Variants in TNR observed in about 807,000 individuals in gnomAD.
TNR encodes tenascin-R.
TNR carries 45 observed loss-of-function variants against 150.4 expected under a neutral mutation model. That is an observed-to-expected ratio of 0.30 (90% confidence interval 0.24 to 0.38). The LOEUF (loss-of-function observed/expected upper bound fraction) is 0.38, where lower values mean the gene tolerates loss of function less well. Among genes scored for constraint, TNR ranks in the 10% least tolerant of loss-of-function variants. The pLI, the probability that TNR is intolerant of heterozygous loss-of-function variation, is 1.00. For synonymous variants in TNR, 687 were observed against 678.4 expected, an observed-to-expected ratio of 1.01 and a Z score of -0.20; for missense variants, 1,544 against 1,759.1, an observed-to-expected ratio of 0.88 and a Z score of 2.19.
intron 10 of TNR, among the ~76,000 whole-genome samples, chr1:175,366,527 C>T (rs1262445579): frequency 6.6e-6 from 1 of 152,256 alleles, no homozygotes; most frequent in Non-Finnish European, 1.5e-5. Context: ...GCACCACCCT[C>T]CAACCCTGAG....
intron 2 of TNR, among the ~76,000 whole-genome samples, chr1:175,463,260 GT>G (rs373782213): frequency 3.1e-4 from 47 of 152,250 alleles, no homozygotes; most frequent in African/African-American, 1.1e-3. Context: ...TCCTGATTCC[GT>G]TTTTCCAGAG....
At chr1:175,554,939 T>C (rs1236690498) in intron 1 of TNR, among the ~76,000 whole-genome samples, 1 of 152,200 alleles carries the variant, frequency 6.6e-6, no homozygotes, top group East Asian at 1.9e-4. Flanking sequence ...GCCAAGGTCA[T>C]CCAGCAGTCG....
At position 175,362,561 on chromosome 1, in the gene TNR, G is replaced by A. The variant is rs1024085876; in HGVS notation, c.2854+102C>T. The A allele has an allele frequency of 2.2e-5, 32 of 1,465,012 alleles. No individual in the cohort carries two copies. In the Admixed American group the frequency reaches 2.8e-4, roughly 13 times the overall value. 90.8% of individuals were successfully genotyped at this position (1,465,012 alleles called of 1,614,324 possible). A position where few individuals can be genotyped will look rare whatever the true frequency, so the allele number is the denominator to read the frequency against. On this transcript the variant is annotated intron_variant, in intron 14 of 22. Transcript: ENST00000367674. Reference sequence around the variant, plus strand: ...ACACAGTGAGTTGGAGGAGCACCCCGAAATGGAGCCTTAGCCTCCAGAACC... The same window carrying A: ...ACACAGTGAGTTGGAGGAGCACCCCAAAATGGAGCCTTAGCCTCCAGAACC...
At chr1:175,352,516 T>C (rs1297951425) in intron 18 of TNR, among the ~76,000 whole-genome samples, 1 of 152,160 alleles carries the variant, frequency 6.6e-6, no homozygotes, top group Non-Finnish European at 1.5e-5. Flanking sequence ...TTAATTAACC[T>C]GCGAATGTGC....
intron 2 of TNR, among the ~76,000 whole-genome samples, chr1:175,462,146 A>G (rs1350895102): frequency 6.6e-6 from 1 of 152,234 alleles, no homozygotes; most frequent in Non-Finnish European, 1.5e-5. Context: ...ATTATAAAAT[A>G]TGTTCACTTC....
chr1:175,700,700 G>T (rs1232151901), intron 1 of TNR, among the ~76,000 whole-genome samples: 1 of 152,184 alleles, frequency 6.6e-6, no homozygotes, highest in African/African-American at 2.4e-5. Context: ...CATACATCAG[G>T]TGACCACGGA....
At chr1:175,632,578 G>A (rs10913035) in intron 1 of TNR, among the ~76,000 whole-genome samples, 3,157 of 152,276 alleles carry the variant, frequency 0.021, 113 homozygotes, top group African/African-American at 0.07. Flanking sequence ...CAGAGACCAA[G>A]TACTTCTGTA....
At chr1:175,677,781 G>T (rs115684594) in intron 1 of TNR, among the ~76,000 whole-genome samples, 1 of 152,026 alleles carries the variant, frequency 6.6e-6, no homozygotes, top group African/African-American at 2.4e-5. Context: ...TATTAACTGG[G>T]AATTAAAAAT....
intron 2 of TNR, among the ~76,000 whole-genome samples, chr1:175,470,336 G>T (rs547172257): frequency 6.6e-6 from 1 of 152,104 alleles, no homozygotes; most frequent in Admixed American, 6.6e-5. Context: ...GCAAAGGGCC[G>T]CAGGGGAAGA....
chr1:175,449,989 C>T (rs12743126), intron 2 of TNR, among the ~76,000 whole-genome samples: 1 of 152,060 alleles, frequency 6.6e-6, no homozygotes. Flanking sequence ...AGTGCAGGCT[C>T]ACTGTCCCAC....
At chr1:175,542,994 T>C (rs1660561681) in intron 1 of TNR, among the ~76,000 whole-genome samples, 2 of 152,198 alleles carry the variant, frequency 1.3e-5, no homozygotes. Context: ...GACACAACCA[T>C]GCAGTCACAG....
intron 1 of TNR, among the ~76,000 whole-genome samples, chr1:175,555,674 C>T (rs1457108387): frequency 6.6e-6 from 1 of 152,170 alleles, no homozygotes. Context: ...CAAACCCAAG[C>T]TCTTGTACCC....
At chr1:175,436,069 C>A (rs1655495421) in intron 2 of TNR, among the ~76,000 whole-genome samples, 2 of 152,290 alleles carry the variant, frequency 1.3e-5, no homozygotes, top group Non-Finnish European at 2.9e-5. Flanking sequence ...CTGCCCTTAA[C>A]ATTTTTTCCT....
chr1:175,705,822 C>T (rs1275413997), intron 1 of TNR, among the ~76,000 whole-genome samples: 2 of 152,120 alleles, frequency 1.3e-5, no homozygotes, highest in Non-Finnish European at 2.9e-5. Flanking sequence ...TTTTATAAAT[C>T]TAGGTTTCTT....
intron 1 of TNR, among the ~76,000 whole-genome samples, chr1:175,547,163 G>A (rs1660723068): frequency 6.6e-6 from 1 of 152,192 alleles, no homozygotes; most frequent in African/African-American, 2.4e-5. Flanking sequence ...TTGCAAGCCT[G>A]CGTAGCAGAT....
In TNR at chr1:175,501,066, T is replaced by C. The variant is rs553090361; in HGVS notation, c.-64+27203A>G. 7.9e-5 allele frequency among the ~76,000 whole-genome samples: 12 copies of C among 152,226 alleles called. No homozygotes were observed. The South Asian group carries it at 2.5e-3, about 32-fold the overall frequency. ...TGAATATGGTGGGAGATCATGCCCA[T>C]CATTATGTTATGTTGTAGGGCAATG... is the stretch of plus-strand genomic sequence containing the variant. On this transcript the variant is annotated intron_variant, in intron 2 of 22. Coordinates refer to ENST00000367674, the MANE Select transcript of TNR (RefSeq NM_003285.3).
At chr1:175,732,077 C>T (rs1667657399) in intron 1 of TNR, among the ~76,000 whole-genome samples, 1 of 152,222 alleles carries the variant, frequency 6.6e-6, no homozygotes, top group African/African-American at 2.4e-5. Flanking sequence ...CCAGCACTCC[C>T]TGCCTCCCCT....
chr1:175,692,995 T>G (rs1036976285), intron 1 of TNR, among the ~76,000 whole-genome samples: 1 of 152,186 alleles, frequency 6.6e-6, no homozygotes, highest in Admixed American at 6.5e-5. Context: ...CTGTTCCAGG[T>G]GCTTGCAATA....
chr1:175,402,223 T>C (rs859407), intron 4 of TNR, among the ~76,000 whole-genome samples: 123,009 of 145,436 alleles, frequency 0.85, 52,396 homozygotes, highest in African/African-American at 0.96. Context: ...AGGAGAATGG[T>C]GTGAACCCGG....
Sources: gnomAD v4.1 joint callset for allele counts (sites outside exome capture counted in the v4.1 genomes callset) on GRCh38, gnomAD v4.1.1 for gene constraint, MANE v1.5 for transcripts, NCBI Gene and HGNC (gene_info 2026-07-23, HGNC 2026-07-21) for gene names.